The following DNAH12 variants were observed in gnomAD, a reference collection of about 807,000 sequenced individuals.
DNAH12 encodes the protein axonemal beta dynein heavy chain 12.
In DNAH12, 285 loss-of-function variants were observed where a neutral mutation model predicts 371.5. The observed-to-expected ratio is 0.77, with a 90% CI of 0.70 to 0.85. DNAH12 has a LOEUF of 0.85. DNAH12 is among the 40% of genes least tolerant of loss of function. DNAH12 has a pLI of 0.00. For synonymous variants in DNAH12, 1,200 were observed against 1,213.0 expected (o/e 0.99, Z 0.22); for missense variants, 3,611 against 3,689.4 (o/e 0.98, Z 0.55).
At chr3:57,366,066 T>G (rs2063045927) in intron 57 of DNAH12, among the ~76,000 whole-genome samples, 2 of 151,974 alleles carry the variant, frequency 1.3e-5, no homozygotes, top group Admixed American at 6.6e-5. Context: ...GCATTCTAAG[T>G]CACAGGATGA....
chr3:57,496,723 C>G (rs2067334956), intron 11 of DNAH12, among the ~76,000 whole-genome samples: 1 of 152,162 alleles, frequency 6.6e-6, no homozygotes. Flanking sequence ...AATCCCAGTA[C>G]TTCGGGAGGC....
chr3:57,324,555 A>C (rs2061887009), intron 62 of DNAH12, among the ~76,000 whole-genome samples: 1 of 152,148 alleles, frequency 6.6e-6, no homozygotes. Flanking sequence ...CAATCAGTTG[A>C]AAGCCTTAAG....
At chr3:57,305,481 C>A (rs951912698) in intron 69 of DNAH12, among the ~76,000 whole-genome samples, 1 of 152,192 alleles carries the variant, frequency 6.6e-6, no homozygotes, top group African/African-American at 2.4e-5. Flanking sequence ...AGCCCTCCCC[C>A]TCCTGCCCAG....
In DNAH12 at chr3:57,333,762, T is replaced by C. The variant is rs78890144; in HGVS notation, c.9978+703A>G. Among the ~76,000 whole-genome samples the C allele has an allele frequency of 3.3e-5, 5 of 152,304 alleles. No homozygotes were observed. In the East Asian group the frequency reaches 9.7e-4, roughly 29 times the overall value. ...GCAGGACAGAACTCAACAATCTTTA[T>C]AGGAAAATGAAATCTAACTCATCAA... On this transcript the variant is annotated intron_variant, in intron 62 of 73. Transcript: ENST00000495027.
chr3:57,478,404 C>T (rs1240024879), intron 13 of DNAH12, among the ~76,000 whole-genome samples: 1 of 152,120 alleles, frequency 6.6e-6, no homozygotes, highest in Non-Finnish European at 1.5e-5. Context: ...AACAAAGTCT[C>T]CAAGAAATAT....
In DNAH12 at chr3:57,462,530, A is replaced by T. The variant is rs150294296; in HGVS notation, c.2535+160T>A. Among the ~76,000 whole-genome samples the T allele has an allele frequency of 6.9e-3, 1,046 of 152,022 alleles. 7 individuals are homozygous for T. The highest frequency in any genetic ancestry group is 0.022 in the African/African-American group (922 of 41,442). On this transcript the variant is annotated intron_variant, in intron 18 of 73. Coordinates refer to ENST00000495027, the MANE Select transcript of DNAH12 (RefSeq NM_001366028.2). Reference sequence around the variant, plus strand: ...GCCTCCCACAGTGCTAGGATTACAGATGTGAGCTACCGCACCCAGCCGGAG... The same window carrying T: ...GCCTCCCACAGTGCTAGGATTACAGTTGTGAGCTACCGCACCCAGCCGGAG...
At chr3:57,322,807 G>A (rs1322146807) in intron 64 of DNAH12, among the ~76,000 whole-genome samples, 200 bp downstream of exon 64, 1 of 152,246 alleles carries the variant, frequency 6.6e-6, no homozygotes, top group Admixed American at 6.5e-5. Flanking sequence ...GTATGCGCCT[G>A]TAATCCCAGC....
At chr3:57,352,253 T>G in intron 59 of DNAH12, 28 bp from the exon 60 acceptor site, 4 of 1,519,970 alleles carry the variant, frequency 2.6e-6, no homozygotes, top group Non-Finnish European at 3.5e-6. Flanking sequence ...GAAAACGTAT[T>G]GTCAAACAAA....
intron 42 of DNAH12, among the ~76,000 whole-genome samples, chr3:57,404,049 A>T (rs2153352597): frequency 6.6e-6 from 1 of 152,270 alleles, no homozygotes; most frequent in African/African-American, 2.4e-5. Flanking sequence ...GTTTTGGCAA[A>T]ATTTAGTAAA....
At chr3:57,383,492 T>G (rs2063437816) in intron 49 of DNAH12, among the ~76,000 whole-genome samples, 1 of 60,076 alleles carries the variant, frequency 1.7e-5, no homozygotes, top group South Asian at 3.4e-4. Context: ...TAGAATGGAG[T>G]GCCTCTTAAA....
rs553885449 is a variant in DNAH12, at chr3:57,491,081, C to CAAAAAAA, written c.1336-1401_1336-1395dup. Among the ~76,000 whole-genome samples, 73 of 70,382 alleles carry CAAAAAAA rather than the reference C, an allele frequency of 1.0e-3. 1 individual carries two copies. The highest frequency in any genetic ancestry group is 2.3e-3 in the African/African-American group (43 of 18,928). The allele number at this position is 70,382 out of a possible 152,430, so 46.2% of individuals were successfully genotyped here. On this transcript the variant is annotated intron_variant, in intron 11 of 73. Transcript: ENST00000495027. ...TGGAAGACAGAGCGAGACTCTATCT[C>CAAAAAAA]AAAAAAAAAAAAAAAAAAAACAACA... is the stretch of plus-strand genomic sequence containing the variant.
chr3:57,409,393 T>A (rs1314103387), intron 39 of DNAH12, among the ~76,000 whole-genome samples: 1 of 152,110 alleles, frequency 6.6e-6, no homozygotes, highest in African/African-American at 2.4e-5. Flanking sequence ...GCTAAGTAAA[T>A]TACGGTGACA....
In DNAH12 at chr3:57,457,740, A is replaced by T. The variant is rs151214809; in HGVS notation, c.3317T>A (p.Val1106Glu). The T allele has an allele frequency of 1.1e-3, 1,638 of 1,549,858 alleles. 5 individuals carry two copies. The African/African-American group carries it at 0.013, about 12-fold the overall frequency. ...ACACACCAGCCTGGCTGCAGCGATCACATCGTGAACACTCCGGAGCATTAG... is the reference window on the plus strand; with the variant it reads ...ACACACCAGCCTGGCTGCAGCGATCTCATCGTGAACACTCCGGAGCATTAG... Reference protein sequence around the residue: ...EDLMLRSVHDVIAAARLAYPE... With the variant: ...EDLMLRSVHDEIAAARLAYPE... Residue 1106 changes from valine (V) to glutamate (E), a missense_variant, in exon 22 of 74, where the codon GTG (valine) becomes GAG (glutamate). Physicochemically the swap from Val to Glu is moderately radical, Grantham distance 121. Around this residue, in one of 3 missense-constraint regions of DNAH12, gnomAD observed 1,314 missense variants for 1,398.7 expected, o/e 0.94. Coordinates refer to ENST00000495027, the MANE Select transcript of DNAH12 (RefSeq NM_001366028.2).
chr3:57,536,949 C>T (rs947192428), intron 2 of DNAH12, among the ~76,000 whole-genome samples: 1 of 152,196 alleles, frequency 6.6e-6, no homozygotes, highest in Non-Finnish European at 1.5e-5. Context: ...ACAGTGGCTC[C>T]CAGCACTTTG....
chr3:57,441,893 C>T (rs2153369143), intron 29 of DNAH12, among the ~76,000 whole-genome samples: 1 of 152,134 alleles, frequency 6.6e-6, no homozygotes, highest in East Asian at 1.9e-4. Context: ...CAAAACTAGG[C>T]ACATAGTCAA....
At chr3:57,499,298 G>C (rs568922134) in intron 11 of DNAH12, among the ~76,000 whole-genome samples, 49 of 152,062 alleles carry the variant, frequency 3.2e-4, no homozygotes, top group South Asian at 6.2e-4. Flanking sequence ...TGATGGTTAC[G>C]TAAGTGTACA....
At chr3:57,346,335 T>C (rs1559575068) in intron 60 of DNAH12, among the ~76,000 whole-genome samples, 1 of 152,144 alleles carries the variant, frequency 6.6e-6, no homozygotes, top group Non-Finnish European at 1.5e-5. Context: ...TGTTACAAAG[T>C]ACTTGCAGGA....
At chr3:57,384,687 CTGTT>C (rs2153344817) in intron 49 of DNAH12, 138 bp downstream of exon 49, 1 of 152,208 alleles carries the variant, frequency 6.6e-6, no homozygotes, top group South Asian at 2.1e-4. Flanking sequence ...CAAAGGTAAA[CTGTT>C]AAGAGCCAAG....
chr3:57,364,568 T>G (rs1360299175), intron 57 of DNAH12, among the ~76,000 whole-genome samples: 1 of 152,112 alleles, frequency 6.6e-6, no homozygotes, highest in Non-Finnish European at 1.5e-5. Context: ...AGGCAAAGAT[T>G]TCACGACAAA....
Sources: allele counts gnomAD v4.1 joint callset (sites outside exome capture counted in the v4.1 genomes callset), GRCh38; gene constraint gnomAD v4.1.1; regional missense constraint gnomAD v4.1.1; transcripts MANE v1.5; gene names NCBI Gene and HGNC (gene_info 2026-07-23, HGNC 2026-07-21).